The following TNKS2 variants were observed in gnomAD, a reference collection of about 807,000 sequenced individuals.
The protein encoded by TNKS2 is tankyrase 2.
Under a neutral mutation model 137.6 loss-of-function variants are expected in TNKS2, and 72 were observed. That is an observed-to-expected ratio of 0.52 (90% CI 0.43 to 0.64). TNKS2 has a LOEUF of 0.64. Ranked by LOEUF, TNKS2 falls within the 30% of genes least tolerant of loss-of-function variation. The pLI is 0.00. For synonymous variants in TNKS2, 516 were observed against 512.1 expected, an observed-to-expected ratio of 1.01 and a Z score of -0.10; for missense variants, 1,049 against 1,410.2, an observed-to-expected ratio of 0.74 and a Z score of 4.10.
intron 13 of TNKS2, among the ~76,000 whole-genome samples, chr10:91,838,722 T>A (rs1016182451): frequency 2.6e-5 from 4 of 152,190 alleles, no homozygotes; most frequent in Non-Finnish European, 5.9e-5. Context: ...ACAGAAGAGC[T>A]TTTTACCAGG....
intron 19 of TNKS2, 55 bp downstream of exon 19, chr10:91,848,690 C>G: frequency 6.3e-7 from 1 of 1,578,834 alleles, no homozygotes; most frequent in Non-Finnish European, 8.6e-7. Flanking sequence ...CCGTATTTGT[C>G]ATTTGGGATG....
chr10:91,819,824 CTACT>C, intron 5 of TNKS2, 111 bp from the exon 6 acceptor site: 1 of 846,804 alleles, frequency 1.2e-6, no homozygotes, highest in Non-Finnish European at 1.8e-6. Context: ...AAATTGATAA[CTACT>C]TAGCGAAGTT....
In TNKS2 at chr10:91,828,304, G is replaced by A. The variant is rs745957441; in HGVS notation, c.1002G>A (p.Ser334=). The A allele has an allele frequency of 9.5e-6, 15 of 1,586,040 alleles. No homozygotes were observed. The highest frequency in any genetic ancestry group is 4.7e-5 in the South Asian group (4 of 85,900). The stretch of plus-strand genomic sequence containing the variant: ...ATCTAGATGAATTTAAAGGCCACTC[G>A]TTGCTGCAAGCTGCACGAGAAGCTG... The part of the protein sequence containing the change: ...ERLAYEFKGH[S]LLQAAREADV... The change falls in exon 9 of 27, where the codon TCG becomes TCA. Residue 334 remains serine, a synonymous_variant. Transcript: ENST00000371627.
chr10:91,861,238 A>G lies in TNKS2; in HGVS notation c.3282-761A>G, dbSNP rs149377610. ...GAGTGGTAAAATAGATAACATTCCA[A>G]TGGTGGAGAAAATTCTGTGGATGGG... is the stretch of plus-strand genomic sequence containing the variant. On this transcript the variant is annotated intron_variant, in intron 25 of 26. Coordinates refer to ENST00000371627, the MANE Select transcript of TNKS2 (RefSeq NM_025235.4). 1.8e-4 allele frequency among the ~76,000 whole-genome samples: 28 copies of G among 152,272 alleles called. 2 individuals are homozygous for G. In the East Asian group the frequency reaches 4.8e-3, roughly 26 times the overall value.
intron 3 of TNKS2, among the ~76,000 whole-genome samples, chr10:91,818,917 A>T (rs1314620672): frequency 3.3e-5 from 5 of 152,280 alleles, no homozygotes; most frequent in African/African-American, 1.2e-4. Context: ...ATTTGAAGGG[A>T]AAAAGGGAAA....
In TNKS2 at chr10:91,864,084, T is replaced by G. The variant is rs2133691064; in HGVS notation, c.*1085T>G. 6.6e-6 allele frequency: 1 copy of G among 152,418 alleles called. No individual in the cohort carries two copies. Among genetic ancestry groups the G allele is most frequent in the Middle Eastern group, 3.4e-3 (1 of 294 alleles). The allele number at this position is 152,418 out of a possible 1,614,324, so 9.4% of individuals were successfully genotyped here. On this transcript the variant is annotated 3_prime_UTR_variant, in exon 27 of 27. Coordinates refer to ENST00000371627, the MANE Select transcript of TNKS2 (RefSeq NM_025235.4). ...TTTATTGCTGTATTTATAGCCAATC[T>G]ATACATCATGGGTAAACTTAACCCA...
At chr10:91,808,639 G>A (rs1008022043) in intron 1 of TNKS2, among the ~76,000 whole-genome samples, 4 of 152,174 alleles carry the variant, frequency 2.6e-5, no homozygotes, top group African/African-American at 7.2e-5. Context: ...TTGGAAACGT[G>A]TTGAGTTTGA....
At position 91,842,323 on chromosome 10, in the gene TNKS2, T is replaced by C; in HGVS notation, c.1991T>C (p.Leu664Ser). 6.2e-7 allele frequency: 1 copy of C among 1,614,154 alleles called. No homozygotes were observed. Among genetic ancestry groups the C allele is most frequent in the African/African-American group, 1.3e-5 (1 of 75,044 alleles). ...KKGCLARVKK[L>S]SSPDNVNCRD... Reference sequence around the variant, plus strand: ...GGTTGTTTAGCCAGAGTGAAGAAGTTGTCTTCTCCTGATAATGTAAATTGC... The same window carrying C: ...GGTTGTTTAGCCAGAGTGAAGAAGTCGTCTTCTCCTGATAATGTAAATTGC... The change falls in exon 16 of 27, where the codon TTG (leucine) becomes TCG (serine). Residue 664 changes from leucine to serine, a missense_variant. By Grantham distance (145) the Leu-to-Ser change is moderately radical. Around this residue, in one of 6 missense-constraint regions of TNKS2, gnomAD observed 328 missense variants for 436.0 expected, o/e 0.75. Coordinates refer to ENST00000371627, the MANE Select transcript of TNKS2 (RefSeq NM_025235.4).
rs186564160 is a variant in TNKS2, at chr10:91,802,860, C to T, written c.199+3971C>T. The stretch of plus-strand genomic sequence containing the variant: ...ATAAATCATACATCAGCAGGAAACC[C>T]TAGTGTCAAATAAAGATCAGTCTAT... On this transcript the variant is annotated intron_variant, in intron 1 of 26. Transcript: ENST00000371627. Among the ~76,000 whole-genome samples the T allele has an allele frequency of 1.3e-4, 20 of 152,302 alleles. No individual in the cohort carries two copies. In the East Asian group the frequency reaches 3.9e-3, roughly 29 times the overall value.
At chr10:91,850,816 T>G (rs1424978978) in intron 20 of TNKS2, among the ~76,000 whole-genome samples, 1 of 152,144 alleles carries the variant, frequency 6.6e-6, no homozygotes, top group African/African-American at 2.4e-5. Context: ...AAAACAGGAT[T>G]TTAAAGAATG....
At chr10:91,820,965 A>G (rs899487854) in intron 6 of TNKS2, among the ~76,000 whole-genome samples, 2 of 152,216 alleles carry the variant, frequency 1.3e-5, no homozygotes, top group African/African-American at 4.8e-5. Context: ...ACAGGAGGCA[A>G]AATTGTTTGG....
At chr10:91,807,241 T>C in intron 1 of TNKS2, 3 of 1,607,258 alleles carry the variant, frequency 1.9e-6, no homozygotes, top group Non-Finnish European at 2.6e-6. Context: ...ATTAGTTGAC[T>C]GTGGAATTTC....
intron 2 of TNKS2, among the ~76,000 whole-genome samples, chr10:91,815,344 C>G (rs550337581): frequency 6.6e-6 from 1 of 152,332 alleles, no homozygotes; most frequent in African/African-American, 2.4e-5. Flanking sequence ...CTAGTTACCT[C>G]TGCCCAATTC....
At position 91,851,218 on chromosome 10, in the gene TNKS2, C is replaced by T. The variant is rs751359159; in HGVS notation, c.2697C>T (p.Ile899=). 5 of 1,613,158 alleles carry T rather than the reference C, an allele frequency of 3.1e-6. No homozygotes were observed. The highest frequency in any genetic ancestry group is 4.2e-6 in the Non-Finnish European group (5 of 1,179,728). ...GTAGTTTCCTCCTCTTTTGTAAGAT[C>T]ACTTTGGATGTATTAGTTGAGATGG... ...HLMDIFEREQ[I]TLDVLVEMGH... Residue 899 remains isoleucine, a splice_region_variant and synonymous_variant, in exon 21 of 27, where the codon ATC becomes ATT. Transcript: ENST00000371627.
At chr10:91,840,298 C>A (rs1004721588) in intron 13 of TNKS2, among the ~76,000 whole-genome samples, 2 of 152,042 alleles carry the variant, frequency 1.3e-5, no homozygotes, top group African/African-American at 4.8e-5. Context: ...TGAGATTGCG[C>A]CACTGCACCC....
Position 91,842,269 on chromosome 10 carries a change from A to G in TNKS2, c.1937A>G (p.Asp646Gly), listed in dbSNP as rs1842230678. The part of the protein sequence containing the change: ...DTDIQDLLRG[D>G]AALLDAAKKG... ...GATATTCAAGATCTGCTTAGGGGAG[A>G]TGCAGCTTTGCTAGATGCTGCCAAG... The change falls in exon 16 of 27, where the codon GAT becomes GGT. Residue 646 changes from aspartate (D) to glycine (G), a missense_variant. Asp to Gly is a moderately conservative substitution (Grantham distance 94). Around this residue, in one of 6 missense-constraint regions of TNKS2, gnomAD observed 328 missense variants for 436.0 expected, o/e 0.75. Transcript: ENST00000371627. 1.2e-6 allele frequency: 2 copies of G among 1,613,930 alleles called. No homozygotes were observed.
chr10:91,810,962 G>T (rs1378848832), intron 1 of TNKS2, among the ~76,000 whole-genome samples: 1 of 89,394 alleles, frequency 1.1e-5, no homozygotes, highest in African/African-American at 4.5e-5. Context: ...GTCTCACTCT[G>T]TCACCCCCAG....
At chr10:91,847,780 A>G (rs1312211977) in intron 18 of TNKS2, among the ~76,000 whole-genome samples, 1 of 152,248 alleles carries the variant, frequency 6.6e-6, no homozygotes, top group African/African-American at 2.4e-5. Flanking sequence ...TCAGTTTGCT[A>G]AAGTTCTGTG....
At chr10:91,805,159 T>C (rs1472937835) in intron 1 of TNKS2, among the ~76,000 whole-genome samples, 1 of 151,916 alleles carries the variant, frequency 6.6e-6, no homozygotes, top group Admixed American at 6.6e-5. Flanking sequence ...CCAAATAATT[T>C]CCTTTAAGTG....
Sources: gnomAD v4.1 joint callset for allele counts (sites outside exome capture counted in the v4.1 genomes callset) on GRCh38, gnomAD v4.1.1 for gene constraint, gnomAD v4.1.1 regional missense constraint, MANE v1.5 for transcripts, NCBI Gene and HGNC (gene_info 2026-07-23, HGNC 2026-07-21) for gene names.